The following ALDH16A1 variants were observed in gnomAD, a reference collection of about 807,000 sequenced individuals.
The protein encoded by ALDH16A1 is aldehyde dehydrogenase family 16 member A1.
ALDH16A1 carries 88 observed loss-of-function variants against 96.1 expected under a neutral mutation model. The ratio of observed to expected loss-of-function variants is 0.92; its 90% CI spans 0.77 to 1.09. ALDH16A1 has a LOEUF of 1.09. Among genes scored for constraint, ALDH16A1 ranks in the 50% least tolerant of loss-of-function variants. The probability of loss-of-function intolerance (pLI) is 0.00; values close to 1 mark genes in which losing one functional copy is unlikely to be tolerated. For missense variants in ALDH16A1, 1,250 were observed against 1,112.6 expected (o/e 1.12, Z -1.76); for synonymous variants, 522 against 496.4 (o/e 1.05, Z -0.69).
rs964132083 is a variant in ALDH16A1, at chr19:49,458,833, G to A, written c.194-127G>A. The A allele has an allele frequency of 1.1e-4, 157 of 1,365,752 alleles. 1 individual carries two copies. Among genetic ancestry groups the A allele is most frequent in the Non-Finnish European group, 3.9e-5 (39 of 991,310 alleles). 84.6% of individuals were successfully genotyped at this position (1,365,752 alleles called of 1,614,324 possible). A position where few individuals can be genotyped will look rare whatever the true frequency, so the allele number is the denominator to read the frequency against. On this transcript the variant is annotated intron_variant, in intron 2 of 16. Transcript: ENST00000293350. ...CCTTGCCCTGGAGGTGATCATAGCC[G>A]TGACCCAGCAGAGAATGGGGACCAG... is the stretch of plus-strand genomic sequence containing the variant.
At position 49,470,435 on chromosome 19, in the gene ALDH16A1, ACC is replaced by A; in HGVS notation, c.2378_2379del (p.Thr793LysfsTer45). Reference protein sequence around the residue: ...GPELGLRVARTKALWLPMGD With the variant: ...GPELGLRVARXKALWLPMGD ...AGAGCTGGGGCTGCGAGTGGCGCGG[ACC>A]AAGGCCCTGTGGCTGCCTATGGGGG... On this transcript the variant is annotated frameshift_variant, in exon 17 of 17. Transcript: ENST00000293350. LOFTEE classifies it high-confidence loss of function. The A allele has an allele frequency of 6.2e-7, 1 of 1,603,600 alleles. No individual in the cohort carries two copies. Among genetic ancestry groups the A allele is most frequent in the Non-Finnish European group, 8.5e-7 (1 of 1,175,924 alleles).
In ALDH16A1 at chr19:49,463,935, TG is replaced by T; in HGVS notation, c.1181del (p.Cys394LeufsTer108). 6.2e-7 allele frequency: 1 copy of T among 1,610,224 alleles called. No individual in the cohort carries two copies. The highest frequency in any genetic ancestry group is 1.1e-5 in the South Asian group (1 of 90,566). ...CTCCAACCTGCCCCCAGCCTCCCCA[TG>T]TGCCCAGGTGGAGGTGAGACCCTTA... ...LVSNLPPASP[C>X]AQVEVPWPVV... On this transcript the variant is annotated frameshift_variant, in exon 9 of 17. Transcript: ENST00000293350. LOFTEE classifies it high-confidence loss of function.
Position 49,465,767 on chromosome 19 carries a change from G to A in ALDH16A1, c.1598G>A (p.Gly533Glu), listed in dbSNP as rs1351955426. 3 of 1,613,932 alleles carry A rather than the reference G, an allele frequency of 1.9e-6. No individual in the cohort carries two copies. The highest frequency in any genetic ancestry group is 1.3e-5 in the African/African-American group (1 of 74,922). Residue 533 changes from glycine (G) to glutamate (E), a missense_variant, in exon 13 of 17, where the codon GGG becomes GAG. Physicochemically the swap from Gly to Glu is moderately conservative, Grantham distance 98. Coordinates refer to ENST00000293350, the MANE Select transcript of ALDH16A1 (RefSeq NM_153329.4). ...SPAPPYGLFV[G>E]GRFQAPGARS... The stretch of plus-strand genomic sequence containing the variant: ...GCACCCCCCTATGGGCTCTTCGTTG[G>A]GGGCCGTTTCCAGGCTCCTGGGGCC...
intron 16 of ALDH16A1, 50 bp downstream of exon 16, chr19:49,469,036 G>C (rs765277186): frequency 1.8e-5 from 28 of 1,569,172 alleles, no homozygotes; most frequent in Non-Finnish European, 2.4e-5. Context: ...CTTCAAACAG[G>C]CTCCTCCTTT....
At chr19:49,467,692 CCTT>C (rs940044796) in intron 14 of ALDH16A1, among the ~76,000 whole-genome samples, 27 of 151,712 alleles carry the variant, frequency 1.8e-4, no homozygotes, top group African/African-American at 5.6e-4. Flanking sequence ...CTACACCCGG[CCTT>C]CTTTTTTTTA....
chr19:49,454,916 C>T (rs1386434946), intron 1 of ALDH16A1, among the ~76,000 whole-genome samples: 2 of 151,924 alleles, frequency 1.3e-5, no homozygotes, highest in African/African-American at 2.4e-5. Context: ...GTCAGGAGTT[C>T]GAGACCAGCC....
At chr19:49,461,219 G>A (rs1258249665) in intron 5 of ALDH16A1, among the ~76,000 whole-genome samples, 5 of 121,348 alleles carry the variant, frequency 4.1e-5, no homozygotes, top group Admixed American at 7.8e-5. Flanking sequence ...AGGGGCTGGG[G>A]TCTGGACTCC....
Position 49,458,466 on chromosome 19 carries a change from A to G in ALDH16A1, c.91-20A>G. On this transcript the variant is annotated intron_variant, in intron 1 of 16. Transcript: ENST00000293350. ...CAGCTCCTCCCGAACCCCTTTCCAA[A>G]CTGTCTCTACCTCCCCCAGGCCTGG... 1 of 1,551,770 alleles carries G rather than the reference A, an allele frequency of 6.4e-7. No homozygotes were observed. The highest frequency in any genetic ancestry group is 1.4e-5 in the African/African-American group (1 of 73,274).
rs1043009722 is a variant in ALDH16A1, at chr19:49,468,282, G to A, written c.1939-99G>A. The A allele has an allele frequency of 7.8e-7, 1 of 1,284,724 alleles. No individual in the cohort carries two copies. The highest frequency in any genetic ancestry group is 1.1e-6 in the Non-Finnish European group (1 of 933,300). The allele number at this position is 1,284,724 out of a possible 1,614,324, so 79.6% of individuals were successfully genotyped here. A position where few individuals can be genotyped will look rare whatever the true frequency, so the allele number is the denominator to read the frequency against. On this transcript the variant is annotated intron_variant, in intron 14 of 16. Transcript: ENST00000293350. The surrounding 1 kb of genome is among the most constrained non-coding windows in gnomAD (Gnocchi z 4.4). ...GGGCTTCCACAATGGTGCGGTTTGGGCCAACACCAAGTGTTGGGGAGAATG... is the reference window on the plus strand; with the variant it reads ...GGGCTTCCACAATGGTGCGGTTTGGACCAACACCAAGTGTTGGGGAGAATG...
In ALDH16A1 at chr19:49,464,246, G is replaced by T. The variant is rs1353924596; in HGVS notation, c.1314G>T (p.Ala438=). 5 of 1,602,426 alleles carry T rather than the reference G, an allele frequency of 3.1e-6. No homozygotes were observed. Among genetic ancestry groups the T allele is most frequent in the Non-Finnish European group, 3.4e-6 (4 of 1,179,290 alleles). Residue 438 remains alanine (A), a synonymous_variant, in exon 10 of 17, where the codon GCG becomes GCT. Transcript: ENST00000293350. ...TGTGGAGCGAGAGGCTGGGGCAGGCGCTGGAGCTGGGCTATGGGTCAGTCT... is the reference window on the plus strand; with the variant it reads ...TGTGGAGCGAGAGGCTGGGGCAGGCTCTGGAGCTGGGCTATGGGTCAGTCT... The part of the protein sequence containing the change: ...ASVWSERLGQ[A]LELGYGLQVG...
rs1051181732 is a variant in ALDH16A1, at chr19:49,459,273, G to A, written c.320+187G>A. ...CGTTGTCCACTATTCACTGGGACTA[G>A]AAGCCACAAAGCCTCTATTTCCCAG... On this transcript the variant is annotated intron_variant, in intron 3 of 16. Coordinates refer to ENST00000293350, the MANE Select transcript of ALDH16A1 (RefSeq NM_153329.4). This position sits in a 1 kb window ranked among gnomAD's most constrained non-coding sequence, Gnocchi z 4.1. Among the ~76,000 whole-genome samples, 2 of 152,220 alleles carry A rather than the reference G, an allele frequency of 1.3e-5. No homozygotes were observed. Among genetic ancestry groups the A allele is most frequent in the Non-Finnish European group, 2.9e-5 (2 of 68,032 alleles).
Position 49,462,720 on chromosome 19 carries a change from C to G in ALDH16A1, c.1063C>G (p.Arg355Gly), listed in dbSNP as rs765698438. The G allele has an allele frequency of 6.2e-7, 1 of 1,601,928 alleles. No homozygotes were observed. Among genetic ancestry groups the G allele is most frequent in the African/African-American group, 1.3e-5 (1 of 74,182 alleles). ...RGAAACDLVQ[R>G]FVREAQSQGA... ...GGCTGCCGCATGTGACCTGGTCCAGCGCTTTGTGCGTGAGGCCCAGAGCCA... is the reference window on the plus strand; with the variant it reads ...GGCTGCCGCATGTGACCTGGTCCAGGGCTTTGTGCGTGAGGCCCAGAGCCA... Residue 355 changes from arginine to glycine, a missense_variant, in exon 8 of 17, where the codon CGC (arginine) becomes GGC (glycine). Arg to Gly is a moderately radical substitution (Grantham distance 125, BLOSUM62 -2). Transcript: ENST00000293350.
rs1472773273 is a variant in ALDH16A1, at chr19:49,463,922, C to T, written c.1167C>T (p.Pro389=). 8.1e-6 allele frequency: 13 copies of T among 1,612,144 alleles called. No homozygotes were observed. The highest frequency in any genetic ancestry group is 2.5e-6 in the Non-Finnish European group (3 of 1,179,020). ...FYPPTLVSNL[P]PASPCAQVEV... is the part of the protein sequence containing the mutation. ...CCCCAACCTTGGTCTCCAACCTGCCCCCAGCCTCCCCATGTGCCCAGGTGG... is the reference window on the plus strand; with the variant it reads ...CCCCAACCTTGGTCTCCAACCTGCCTCCAGCCTCCCCATGTGCCCAGGTGG... Residue 389 remains proline, a synonymous_variant, in exon 9 of 17, where the codon CCC becomes CCT. Coordinates refer to ENST00000293350, the MANE Select transcript of ALDH16A1 (RefSeq NM_153329.4).
Position 49,465,846 on chromosome 19 carries a change from T to A in ALDH16A1, c.1677T>A (p.Ala559=). ...DSSGNLHGYV[A]EGGAKDIRGA... Reference sequence around the variant, plus strand: ...CTGGCAACCTCCATGGCTACGTGGCTGAGGGTGGAGCCAAGGACATCCGAG... The same window carrying A: ...CTGGCAACCTCCATGGCTACGTGGCAGAGGGTGGAGCCAAGGACATCCGAG... Residue 559 remains alanine, a synonymous_variant, in exon 13 of 17, where the codon GCT becomes GCA. Transcript: ENST00000293350. 1 of 1,614,078 alleles carries A rather than the reference T, an allele frequency of 6.2e-7. No homozygotes were observed. Among genetic ancestry groups the A allele is most frequent in the Non-Finnish European group, 8.5e-7 (1 of 1,180,000 alleles).
In ALDH16A1 at chr19:49,468,213, C is replaced by T; in HGVS notation, c.1939-168C>T. 2 of 622,222 alleles carry T rather than the reference C, an allele frequency of 3.2e-6. No homozygotes were observed. Among genetic ancestry groups the T allele is most frequent in the Non-Finnish European group, 5.4e-6 (2 of 369,838 alleles). The allele number at this position is 622,222 out of a possible 1,614,324, so 38.5% of individuals were successfully genotyped here. On this transcript the variant is annotated intron_variant, in intron 14 of 16. Coordinates refer to ENST00000293350, the MANE Select transcript of ALDH16A1 (RefSeq NM_153329.4). This position sits in a 1 kb window ranked among gnomAD's most constrained non-coding sequence, Gnocchi z 4.4. ...GCAGGATGTTTCTCACCGCCCGAAC[C>T]CCCGTGGAATGATTCACTTTGACCA...
At position 49,464,538 on chromosome 19, in the gene ALDH16A1, C is replaced by T. The variant is rs1044342828; in HGVS notation, c.1437+16C>T. ...GGGCCCAGACGTGAGTACATCCCCT[C>T]CCCGTCACCAGCCCCCCCGCCGCCC... On this transcript the variant is annotated intron_variant, in intron 11 of 16. Transcript: ENST00000293350. 1.2e-6 allele frequency: 2 copies of T among 1,613,288 alleles called. No homozygotes were observed. The highest frequency in any genetic ancestry group is 1.7e-6 in the Non-Finnish European group (2 of 1,179,568).
Position 49,462,059 on chromosome 19 carries a change from T to C in ALDH16A1, c.912+23T>C, listed in dbSNP as rs760389607. On this transcript the variant is annotated intron_variant, in intron 7 of 16. Coordinates refer to ENST00000293350, the MANE Select transcript of ALDH16A1 (RefSeq NM_153329.4). ...CCGGTGAGACCCGTGCGCTCCCGTC[T>C]CCTCATACCCTGGAGGCCGTTGGTG... 18 of 1,530,050 alleles carry C rather than the reference T, an allele frequency of 1.2e-5. No homozygotes were observed. In the African/African-American group the frequency reaches 1.5e-4, roughly 13 times the overall value. The allele number at this position is 1,530,050 out of a possible 1,614,324, so 94.8% of individuals were successfully genotyped here. A position where few individuals can be genotyped will look rare whatever the true frequency, so the allele number is the denominator to read the frequency against.
chr19:49,458,790 T>C (rs560523034), intron 2 of ALDH16A1, among the ~76,000 whole-genome samples, 170 bp from the exon 3 acceptor site: 285 of 152,338 alleles, frequency 1.9e-3, no homozygotes, highest in Non-Finnish European at 2.7e-3. Context: ...GTGAGACTGC[T>C]GTCTGTTAAA....
At chr19:49,456,044 A>C (rs1209952953) in intron 1 of ALDH16A1, among the ~76,000 whole-genome samples, 1 of 152,122 alleles carries the variant, frequency 6.6e-6, no homozygotes, top group Non-Finnish European at 1.5e-5. Flanking sequence ...ATGAATCGTT[A>C]AGCTCCTCTT....
Sources: allele counts gnomAD v4.1 joint callset (sites outside exome capture counted in the v4.1 genomes callset), GRCh38; gene constraint gnomAD v4.1.1; non-coding constraint Gnocchi (gnomAD v3.1); transcripts MANE v1.5; gene names NCBI Gene and HGNC (gene_info 2026-07-23, HGNC 2026-07-21).